The following KLHL5 variants were observed in gnomAD, a reference collection of about 807,000 sequenced individuals.
KLHL5 encodes the protein kelch like family member 5.
A neutral mutation model predicts 77.7 loss-of-function variants in KLHL5; 48 were observed. The ratio of observed to expected loss-of-function variants is 0.62; its 90% CI spans 0.49 to 0.79. KLHL5 has a LOEUF of 0.79. Among genes scored for constraint, KLHL5 ranks in the 30% least tolerant of loss-of-function variants. The pLI, the probability that KLHL5 is intolerant of heterozygous loss-of-function variation, is 0.00. For synonymous variants in KLHL5, 260 were observed against 297.0 expected (o/e 0.88, Z 1.28); for missense variants, 723 against 859.7 (o/e 0.84, Z 1.99).
chr4:39,071,470 T>C (rs1718472140), intron 1 of KLHL5, among the ~76,000 whole-genome samples: 1 of 152,176 alleles, frequency 6.6e-6, no homozygotes, highest in African/African-American at 2.4e-5. Context: ...GGGATCTAAA[T>C]AGTTTACAAT....
chr4:39,104,075 G>A (rs192511502), intron 7 of KLHL5, among the ~76,000 whole-genome samples: 2 of 151,256 alleles, frequency 1.3e-5, no homozygotes, highest in African/African-American at 4.9e-5. Flanking sequence ...CACCAGAGTA[G>A]AGGCTTCCCC....
chr4:39,133,212 A>G, the KLHL5 span, among the ~76,000 whole-genome samples: 1 of 152,106 alleles, frequency 6.6e-6, no homozygotes, highest in South Asian at 2.1e-4. Context: ...CTAATTTATG[A>G]TTCTTGGTTG....
At chr4:39,090,395 ATAGG>A (rs1421263797) in intron 5 of KLHL5, among the ~76,000 whole-genome samples, 14 of 151,856 alleles carry the variant, frequency 9.2e-5, no homozygotes, top group African/African-American at 3.4e-4. Flanking sequence ...TTAAAATAAT[ATAGG>A]AAATAATGCC....
downstream of KLHL5, chr4:39,126,970 T>C (rs1723578137): frequency 3.0e-6 from 1 of 337,404 alleles, no homozygotes; most frequent in East Asian, 7.7e-5. Flanking sequence ...TCGTTTACCA[T>C]GACCTGTGTA....
chr4:39,118,495 C>T (rs926929579), intron 10 of KLHL5, among the ~76,000 whole-genome samples: 1 of 152,196 alleles, frequency 6.6e-6, no homozygotes, highest in Non-Finnish European at 1.5e-5. Context: ...GTGGCTTATG[C>T]CTGTAATCCC....
intron 4 of KLHL5, 57 bp from the exon 5 acceptor site, chr4:39,086,458 G>A: frequency 7.2e-7 from 1 of 1,380,236 alleles, no homozygotes; most frequent in Non-Finnish European, 1.0e-6. Context: ...TTTCTTCTAA[G>A]TAAATTGTGA....
At chr4:39,077,720 ACAAAC>A (rs1719209094) in intron 2 of KLHL5, among the ~76,000 whole-genome samples, 5 of 143,102 alleles carry the variant, frequency 3.5e-5, no homozygotes, top group South Asian at 2.2e-4. Flanking sequence ...CAAAAAACAA[ACAAAC>A]AAAAAAACTA....
Position 39,122,870 on chromosome 4 carries a change from TA to T in KLHL5, c.*1812del, listed in dbSNP as rs1051647259. 5.9e-5 allele frequency among the ~76,000 whole-genome samples: 9 copies of T among 151,490 alleles called. No individual in the cohort carries two copies. The highest frequency in any genetic ancestry group is 1.7e-4 in the African/African-American group (7 of 41,282). ...CATTTTATGTGAGGAATTATTTTAA[TA>T]AAAAAAAGAGGGTTTATGCTCTATA... On this transcript the variant is annotated 3_prime_UTR_variant, in exon 11 of 11. Coordinates refer to ENST00000504108, the MANE Select transcript of KLHL5 (RefSeq NM_015990.5).
chr4:39,093,639 C>T (rs967022535), intron 5 of KLHL5, among the ~76,000 whole-genome samples: 5 of 152,016 alleles, frequency 3.3e-5, no homozygotes, highest in Non-Finnish European at 7.3e-5. Context: ...GGCATGGTGG[C>T]TCATGCCTGT....
chr4:39,088,611 T>C (rs1720255194), intron 5 of KLHL5, among the ~76,000 whole-genome samples: 1 of 151,814 alleles, frequency 6.6e-6, no homozygotes, highest in African/African-American at 2.4e-5. Flanking sequence ...AAGAAATAGA[T>C]TAAAAAAATA....
chr4:39,094,439 T>A (rs544674593), intron 5 of KLHL5, among the ~76,000 whole-genome samples: 29 of 151,252 alleles, frequency 1.9e-4, no homozygotes, highest in Admixed American at 1.8e-3. Flanking sequence ...ATAAATTTAA[T>A]TAATAAATAA....
chr4:39,093,534 T>C, intron 5 of KLHL5: 1 of 434,222 alleles, frequency 2.3e-6, no homozygotes, highest in South Asian at 1.7e-5. Flanking sequence ...TATTGTCAAA[T>C]ACAACCCACA....
chr4:39,052,408 C>A (rs1196798631), intron 1 of KLHL5, among the ~76,000 whole-genome samples: 1 of 152,098 alleles, frequency 6.6e-6, no homozygotes, highest in Non-Finnish European at 1.5e-5. Context: ...GTATGAGCCA[C>A]CACACCTGGC....
intron 5 of KLHL5, among the ~76,000 whole-genome samples, chr4:39,092,205 C>T (rs1467392857): frequency 6.6e-6 from 1 of 152,030 alleles, no homozygotes; most frequent in Non-Finnish European, 1.5e-5. Flanking sequence ...ACCAAAAATG[C>T]AGAGTTCATG....
At chr4:39,137,116 A>T in the KLHL5 span, among the ~76,000 whole-genome samples, 1 of 152,212 alleles carries the variant, frequency 6.6e-6, no homozygotes, top group African/African-American at 2.4e-5. Flanking sequence ...GGAATTCGGC[A>T]TATTGTTGTA....
At chr4:39,136,912 A>G in the KLHL5 span, among the ~76,000 whole-genome samples, 1 of 152,310 alleles carries the variant, frequency 6.6e-6, no homozygotes, top group East Asian at 1.9e-4. Flanking sequence ...AAGGAGAGTG[A>G]GAGCCAAGCA....
chr4:39,135,858 C>T, the KLHL5 span, among the ~76,000 whole-genome samples: 341 of 152,184 alleles, frequency 2.2e-3, 1 homozygote, highest in African/African-American at 7.5e-3. Flanking sequence ...AAGCCGAAAT[C>T]ACACCATTGC....
At chr4:39,054,795 A>G (rs567677059) in intron 1 of KLHL5, among the ~76,000 whole-genome samples, 1 of 152,330 alleles carries the variant, frequency 6.6e-6, no homozygotes, top group East Asian at 1.9e-4. Context: ...TGTAAAATGT[A>G]CTTACTGATA....
At chr4:39,110,657 G>A (rs1296920211) in intron 8 of KLHL5, among the ~76,000 whole-genome samples, 3 of 151,932 alleles carry the variant, frequency 2.0e-5, no homozygotes, top group African/African-American at 7.3e-5. Flanking sequence ...TTGTAGAGAT[G>A]GGATCTCACT....
Sources: allele counts gnomAD v4.1 joint callset (sites outside exome capture counted in the v4.1 genomes callset), GRCh38; gene constraint gnomAD v4.1.1; transcripts MANE v1.5; gene names NCBI Gene and HGNC (gene_info 2026-07-23, HGNC 2026-07-21).